NEO1: variants seen among roughly 807,000 people sequenced by gnomAD.
The protein encoded by NEO1 is neogenin.
Under a neutral mutation model 159.7 loss-of-function variants are expected in NEO1, and 63 were observed. The observed-to-expected ratio is 0.39, with a 90% CI of 0.32 to 0.49. NEO1 has a LOEUF of 0.49. Among genes scored for constraint, NEO1 ranks in the 20% least tolerant of loss-of-function variants. NEO1 has a pLI of 0.85. For synonymous variants in NEO1, 633 were observed against 662.0 expected (o/e 0.96, Z 0.67); for missense variants, 1,615 against 1,831.0 (o/e 0.88, Z 2.15).
At chr15:73,228,431 A>G (rs1596405813) in intron 7 of NEO1, among the ~76,000 whole-genome samples, 1 of 145,634 alleles carries the variant, frequency 6.9e-6, no homozygotes, top group Non-Finnish European at 1.5e-5. Flanking sequence ...TTTCTTAATG[A>G]GTTGTAAGAG....
rs200286275 is a variant in NEO1, at chr15:73,260,364, T to C, written c.2297T>C (p.Ile766Thr). Residue 766 changes from isoleucine to threonine, a missense_variant, in exon 15 of 29, where the codon ATT becomes ACT. By Grantham distance (89) the Ile-to-Thr change is moderately conservative. Coordinates refer to ENST00000261908, the MANE Select transcript of NEO1 (RefSeq NM_002499.4). ...VSWTPPENQN[I>T]VVRGYAIGYG... ...TGGACTCCTCCAGAGAATCAGAACA[T>C]TGTGGTCAGAGGTTACGCCATTGGT... 1.9e-5 allele frequency: 30 copies of C among 1,613,908 alleles called. No homozygotes were observed. The highest frequency in any genetic ancestry group is 3.3e-5 in the South Asian group (3 of 91,084).
chr15:73,288,014 T>A (rs900011937), intron 23 of NEO1, among the ~76,000 whole-genome samples: 5 of 152,176 alleles, frequency 3.3e-5, no homozygotes, highest in African/African-American at 1.2e-4. Flanking sequence ...GATTATATAA[T>A]GAAAAATGCT....
At chr15:73,272,326 C>A in intron 18 of NEO1, 129 bp from the exon 19 acceptor site, 1 of 612,428 alleles carries the variant, frequency 1.6e-6, no homozygotes, top group East Asian at 2.8e-5. Context: ...ACTGTGATTT[C>A]TTTGAAGCCA....
chr15:73,204,105 A>G (rs2037073124), intron 7 of NEO1, among the ~76,000 whole-genome samples: 1 of 141,852 alleles, frequency 7.0e-6, no homozygotes, highest in South Asian at 2.3e-4. Context: ...TGGATATAGA[A>G]TGTAAGGTTG....
At chr15:73,164,459 C>T (rs376196100) in intron 5 of NEO1, among the ~76,000 whole-genome samples, 3 of 152,120 alleles carry the variant, frequency 2.0e-5, no homozygotes, top group African/African-American at 7.2e-5. Context: ...AAGTAATCTA[C>T]CCGCCTCAGC....
intron 7 of NEO1, among the ~76,000 whole-genome samples, chr15:73,225,070 T>A (rs2038500909): frequency 6.6e-6 from 1 of 152,138 alleles, no homozygotes; most frequent in African/African-American, 2.4e-5. Context: ...GATTGTTACC[T>A]CTTTTCTGGG....
At chr15:73,178,221 T>C (rs2035394050) in intron 6 of NEO1, 86 bp from the exon 7 acceptor site, 1 of 1,266,896 alleles carries the variant, frequency 7.9e-7, no homozygotes, top group Non-Finnish European at 1.1e-6. Context: ...CTTGTTTTTT[T>C]CCTCTCCAAA....
intron 7 of NEO1, among the ~76,000 whole-genome samples, chr15:73,182,872 A>G (rs960517557): frequency 1.3e-5 from 2 of 152,282 alleles, no homozygotes; most frequent in South Asian, 2.1e-4. Context: ...TCCAAAAAGG[A>G]CAACCCTCCC....
At chr15:73,105,857 T>C (rs2070664837) in intron 1 of NEO1, among the ~76,000 whole-genome samples, 1 of 152,198 alleles carries the variant, frequency 6.6e-6, no homozygotes, top group African/African-American at 2.4e-5. Flanking sequence ...CTGTTAATAA[T>C]GAATTTGATC....
At chr15:73,099,027 T>G (rs1416237136) in intron 1 of NEO1, among the ~76,000 whole-genome samples, 5 of 152,204 alleles carry the variant, frequency 3.3e-5, no homozygotes, top group Non-Finnish European at 7.4e-5. Context: ...CCATTTGCAT[T>G]CCAGTTCAGT....
At chr15:73,294,266 G>A (rs1057488744) in intron 26 of NEO1, among the ~76,000 whole-genome samples, 10 of 152,096 alleles carry the variant, frequency 6.6e-5, no homozygotes, top group African/African-American at 1.9e-4. Context: ...GACAGTAAGC[G>A]GCATAAATAT....
At chr15:73,210,898 A>G (rs752191850) in intron 7 of NEO1, among the ~76,000 whole-genome samples, 76 of 152,222 alleles carry the variant, frequency 5.0e-4, no homozygotes, top group Non-Finnish European at 9.3e-4. Flanking sequence ...CAAAATTAAC[A>G]TTTTTGTTTG....
chr15:73,069,595 A>C, intron 1 of NEO1, among the ~76,000 whole-genome samples: 1 of 151,750 alleles, frequency 6.6e-6, no homozygotes, highest in Non-Finnish European at 1.5e-5. Context: ...TTTATAGTAA[A>C]TTTCTGTTTA....
intron 5 of NEO1, chr15:73,162,789 C>T: frequency 5.9e-6 from 1 of 169,126 alleles, no homozygotes. Context: ...AGCCTCTAAG[C>T]TGACCATTCT....
intron 8 of NEO1, among the ~76,000 whole-genome samples, chr15:73,241,636 A>G (rs1000293033): frequency 3.3e-5 from 5 of 152,148 alleles, no homozygotes; most frequent in Admixed American, 2.6e-4. Flanking sequence ...TCTTTCTATA[A>G]AGTGTGCCCT....
At chr15:73,192,391 G>C (rs2036282676) in intron 7 of NEO1, among the ~76,000 whole-genome samples, 1 of 151,812 alleles carries the variant, frequency 6.6e-6, no homozygotes, top group South Asian at 2.1e-4. Flanking sequence ...TTTTTAAACT[G>C]ATCTATACTT....
At chr15:73,078,722 T>A (rs2068897158) in intron 1 of NEO1, among the ~76,000 whole-genome samples, 1 of 152,242 alleles carries the variant, frequency 6.6e-6, no homozygotes, top group South Asian at 2.1e-4. Flanking sequence ...GATCTCTTCC[T>A]TCATGCCTCC....
intron 1 of NEO1, among the ~76,000 whole-genome samples, chr15:73,091,327 T>C (rs936653992): frequency 6.6e-6 from 1 of 152,378 alleles, no homozygotes; most frequent in African/African-American, 2.4e-5. Context: ...TCTTGCCTTA[T>C]GTATTACATT....
chr15:73,256,643 G>A (rs2040365968), intron 13 of NEO1, among the ~76,000 whole-genome samples: 1 of 152,144 alleles, frequency 6.6e-6, no homozygotes, highest in South Asian at 2.1e-4. Context: ...CTTCAGAATA[G>A]GAGAAGGTGA....
Sources: allele counts gnomAD v4.1 joint callset (sites outside exome capture counted in the v4.1 genomes callset), GRCh38; gene constraint gnomAD v4.1.1; transcripts MANE v1.5; gene names NCBI Gene and HGNC (gene_info 2026-07-23, HGNC 2026-07-21).